EPS8L2: variants seen among roughly 807,000 people sequenced by gnomAD.
EPS8L2 encodes the protein epidermal growth factor receptor kinase substrate 8-like protein 2.
In EPS8L2, 81 loss-of-function variants were observed where a neutral mutation model predicts 99.4. The ratio of observed to expected loss-of-function variants is 0.82; its 90% confidence interval spans 0.68 to 0.98. EPS8L2 has a LOEUF of 0.98. Ranked by LOEUF, EPS8L2 falls within the 50% of genes least tolerant of loss-of-function variation. The pLI, the probability that EPS8L2 is intolerant of heterozygous loss-of-function variation, is 0.00. For synonymous variants in EPS8L2, 509 were observed against 407.3 expected, an observed-to-expected ratio of 1.25 and a Z score of -3.01; for missense variants, 1,155 against 968.8, an observed-to-expected ratio of 1.19 and a Z score of -2.55.
intron 13 of EPS8L2, 42 bp from the exon 14 acceptor site, chr11:722,631 G>A (rs1467738864): frequency 1.2e-6 from 2 of 1,609,110 alleles, no homozygotes; most frequent in East Asian, 4.5e-5. Flanking sequence ...TGGTGGGCCA[G>A]TTCTGGAGAG....
chr11:719,963 TGGCTGTGGCCCCTCAGCCCCTCA>T (rs1187256424), intron 4 of EPS8L2, 76 bp from the exon 5 acceptor site: 23 of 1,228,228 alleles, frequency 1.9e-5, no homozygotes, highest in Middle Eastern at 3.9e-4. Flanking sequence ...TACCCAGGGT[TGGCTGTGGCCCCTCAGCCCCTCA>T]GGCTGTGGCC....
intron 4 of EPS8L2, among the ~76,000 whole-genome samples, chr11:711,263 T>C (rs1861882788): frequency 7.4e-6 from 1 of 135,658 alleles, no homozygotes; most frequent in Non-Finnish European, 1.6e-5. Flanking sequence ...CGTGTGTGCG[T>C]GCGTGCGTGT....
intron 14 of EPS8L2, 98 bp downstream of exon 14, chr11:722,903 C>G: frequency 1.7e-6 from 1 of 595,474 alleles, no homozygotes; most frequent in Non-Finnish European, 2.4e-6. Flanking sequence ...CCCCAGAGCT[C>G]CCCCCCCAGC....
Position 721,066 on chromosome 11 carries a change from G to C in EPS8L2, c.560G>C (p.Gly187Ala). Reference protein sequence around the residue: ...GKKMRPQTLKGHQEKIRQRQS... With the variant: ...GKKMRPQTLKAHQEKIRQRQS... ...AGCAGGACCCCCTCGCCCTCCAGGG[G>C]ACACCAGGAGAAGATTCGGCAGCGG... is the stretch of plus-strand genomic sequence containing the variant. Residue 187 changes from glycine to alanine, a missense_variant and splice_region_variant, in exon 8 of 21, where the codon GGA (glycine) becomes GCA (alanine). Transcript: ENST00000318562. 2.0e-6 allele frequency: 3 copies of C among 1,468,332 alleles called. No homozygotes were observed. The highest frequency in any genetic ancestry group is 2.6e-5 in the South Asian group (2 of 77,348). 91.0% of individuals were successfully genotyped at this position (1,468,332 alleles called of 1,614,324 possible).
In EPS8L2 at chr11:726,688, AGT is replaced by A. The variant is rs1357433377; in HGVS notation, c.2008_2009del (p.Cys670ArgfsTer100). ...FSLNKEELKK[V>X]CGEEGVRVYS... is the part of the protein sequence containing the mutation. Reference sequence around the variant, plus strand: ...CCCTCAACAAGGAGGAGCTGAAGAAAGTGTGCGGCGAGGAGGGCGTCCGCGTG... The same window carrying A: ...CCCTCAACAAGGAGGAGCTGAAGAAAGTGCGGCGAGGAGGGCGTCCGCGTG... On this transcript the variant is annotated frameshift_variant, in exon 20 of 21. Transcript: ENST00000318562. LOFTEE classifies it high-confidence loss of function. 1.9e-6 allele frequency: 3 copies of A among 1,585,970 alleles called. No individual in the cohort carries two copies. Among genetic ancestry groups the A allele is most frequent in the East Asian group, 2.3e-5 (1 of 43,918 alleles).
intron 13 of EPS8L2, 54 bp downstream of exon 13, chr11:722,603 G>A: frequency 6.2e-7 from 1 of 1,610,000 alleles, no homozygotes; most frequent in South Asian, 1.1e-5. Context: ...CGCTGCATGG[G>A]GGCCAGCAAG....
Position 722,758 on chromosome 11 carries a change from G to C in EPS8L2, c.1294G>C (p.Glu432Gln), listed in dbSNP as rs1313759203. The C allele has an allele frequency of 6.2e-7, 1 of 1,603,956 alleles. No individual in the cohort carries two copies. The highest frequency in any genetic ancestry group is 1.3e-5 in the African/African-American group (1 of 74,672). ...GWEPPVDVLQ[E>Q]APWEVEGLAS... ...GGAGCCTCCTGTGGATGTGCTGCAG[G>C]AGGCCCCCTGGGAGGTGGAGGGGCT... Residue 432 changes from glutamate to glutamine, a missense_variant, in exon 14 of 21, where the codon GAG (glutamate) becomes CAG (glutamine). By Grantham distance (29) the Glu-to-Gln change is conservative. Coordinates refer to ENST00000318562, the MANE Select transcript of EPS8L2 (RefSeq NM_022772.4).
In EPS8L2 at chr11:726,154, C is replaced by A; in HGVS notation, c.1737C>A (p.Phe579Leu). 1 of 1,609,058 alleles carries A rather than the reference C, an allele frequency of 6.2e-7. No individual in the cohort carries two copies. The highest frequency in any genetic ancestry group is 8.5e-7 in the Non-Finnish European group (1 of 1,178,226). ...ASPTHKLPPSFPGNKDELMQH... is the reference protein window; with the variant it reads ...ASPTHKLPPSLPGNKDELMQH... ...CGACCCACAAGCTACCCCCAAGCTT[C>A]CCGGGGAACAAAGACGGTGAGAGCT... is the stretch of plus-strand genomic sequence containing the variant. Residue 579 changes from phenylalanine (F) to leucine (L), a missense_variant, in exon 18 of 21, where the codon TTC becomes TTA. Transcript: ENST00000318562.
chr11:726,276 G>A, intron 18 of EPS8L2, 28 bp from the exon 19 acceptor site: 1 of 1,588,818 alleles, frequency 6.3e-7, no homozygotes, highest in Non-Finnish European at 8.6e-7. Context: ...GCAAGGCAGC[G>A]GCGGGCCTGA....
chr11:713,452 G>A (rs1861939177), intron 4 of EPS8L2, among the ~76,000 whole-genome samples: 1 of 152,364 alleles, frequency 6.6e-6, no homozygotes, highest in African/African-American at 2.4e-5. Context: ...CGCGATCTCA[G>A]CTCACTGCAA....
chr11:717,154 T>G (rs184077130), intron 4 of EPS8L2, among the ~76,000 whole-genome samples: 7 of 152,232 alleles, frequency 4.6e-5, no homozygotes, highest in Non-Finnish European at 7.4e-5. Context: ...TTTTTGTATT[T>G]TTAGTAGAGA....
intron 5 of EPS8L2, 171 bp from the exon 6 acceptor site, chr11:720,425 GC>G: frequency 8.4e-7 from 1 of 1,193,102 alleles, no homozygotes; most frequent in African/African-American, 1.5e-5. Context: ...GCCGGGGTCA[GC>G]CTTGCGGTAC....
Position 721,597 on chromosome 11 carries a change from G to C in EPS8L2, c.801G>C (p.Glu267Asp), listed in dbSNP as rs772330893. 1.9e-6 allele frequency: 3 copies of C among 1,571,180 alleles called. No individual in the cohort carries two copies. Among genetic ancestry groups the C allele is most frequent in the Non-Finnish European group, 2.6e-6 (3 of 1,162,880 alleles). The change falls in exon 10 of 21, where the codon GAG (glutamate) becomes GAC (aspartate). Residue 267 changes from glutamate to aspartate, a missense_variant. By Grantham distance (45) the Glu-to-Asp change is conservative (BLOSUM62 2). Transcript: ENST00000318562. ...QILNCALDDI[E>D]WFVARLQKAA... ...TCAACTGCGCCCTGGACGACATCGAGTGGTTTGTGGCCCGGCTGCAGAAGG... is the reference window on the plus strand; with the variant it reads ...TCAACTGCGCCCTGGACGACATCGACTGGTTTGTGGCCCGGCTGCAGAAGG...
intron 15 of EPS8L2, among the ~76,000 whole-genome samples, chr11:723,713 C>G (rs1234196937): frequency 6.6e-6 from 1 of 152,152 alleles, no homozygotes. Flanking sequence ...TCTGGTAGAG[C>G]CAAAAGAGGA....
rs996892705 is a variant in EPS8L2, at chr11:720,057, C to T, written c.166-5C>T. Reference sequence around the variant, plus strand: ...GCCCAGCAGTGACCACCTGCCCACCCCCAGCACCTGGCCACATTCATCATG... The same window carrying T: ...GCCCAGCAGTGACCACCTGCCCACCTCCAGCACCTGGCCACATTCATCATG... On this transcript the variant is annotated splice_region_variant and splice_polypyrimidine_tract_variant and intron_variant, in intron 4 of 20. Coordinates refer to ENST00000318562, the MANE Select transcript of EPS8L2 (RefSeq NM_022772.4). The T allele has an allele frequency of 1.7e-5, 27 of 1,610,392 alleles. No individual in the cohort carries two copies. Among genetic ancestry groups the T allele is most frequent in the Non-Finnish European group, 2.0e-5 (24 of 1,178,558 alleles).
At chr11:715,215 C>G (rs1231206712) in intron 4 of EPS8L2, among the ~76,000 whole-genome samples, 1 of 150,632 alleles carries the variant, frequency 6.6e-6, no homozygotes. Flanking sequence ...GCACTCCAGC[C>G]TGGGAGACAG....
At chr11:723,601 G>A (rs1331561606) in intron 15 of EPS8L2, among the ~76,000 whole-genome samples, 1 of 152,198 alleles carries the variant, frequency 6.6e-6, no homozygotes, top group African/African-American at 2.4e-5. Flanking sequence ...CCACATGTAT[G>A]TTTTAGAACC....
At chr11:710,767 AAAGGGAGG>A (rs1168795308) in intron 4 of EPS8L2, among the ~76,000 whole-genome samples, 26 of 137,674 alleles carry the variant, frequency 1.9e-4, no homozygotes, top group African/African-American at 6.7e-4. Flanking sequence ...AGAAAGAGAG[AAAGGGAGG>A]AAGGGAGGAA....
chr11:712,955 G>A (rs917170842), intron 4 of EPS8L2, among the ~76,000 whole-genome samples: 5 of 152,240 alleles, frequency 3.3e-5, no homozygotes, highest in African/African-American at 9.6e-5. Flanking sequence ...GGAGGAGCCT[G>A]GGGCCTCTCA....
Sources: allele counts gnomAD v4.1 joint callset (sites outside exome capture counted in the v4.1 genomes callset), GRCh38; gene constraint gnomAD v4.1.1; transcripts MANE v1.5; gene names NCBI Gene and HGNC (gene_info 2026-07-23, HGNC 2026-07-21).